EXOC4: variants seen among roughly 807,000 people sequenced by gnomAD.
EXOC4 encodes the protein exocyst complex component 4, also known as SEC8-like 1.
A neutral mutation model predicts 107.2 loss-of-function variants in EXOC4; 71 were observed. The observed-to-expected ratio is 0.66, with a 90% CI of 0.55 to 0.81. The LOEUF (loss-of-function observed/expected upper bound fraction) is 0.81, where lower values mean the gene tolerates loss of function less well. Among genes scored for constraint, EXOC4 ranks in the 30% least tolerant of loss-of-function variants. The probability of loss-of-function intolerance (pLI) is 0.00; values close to 1 mark genes in which losing one functional copy is unlikely to be tolerated. For missense variants in EXOC4, 1,108 were observed against 1,189.6 expected (o/e 0.93, Z 1.01); for synonymous variants, 456 against 441.2 (o/e 1.03, Z -0.42).
chr7:133,463,538 A>G (rs1037871119), intron 7 of EXOC4, among the ~76,000 whole-genome samples: 5 of 152,198 alleles, frequency 3.3e-5, no homozygotes, highest in Non-Finnish European at 7.3e-5. Flanking sequence ...AATAATAAAA[A>G]TGGAAGAGAG....
chr7:133,267,148 A>G (rs938532545), intron 1 of EXOC4, among the ~76,000 whole-genome samples: 3 of 152,312 alleles, frequency 2.0e-5, no homozygotes, highest in Non-Finnish European at 4.4e-5. Context: ...AAGAGGTGGG[A>G]TATAATTAAA....
chr7:133,448,106 C>G (rs923532160), intron 7 of EXOC4, among the ~76,000 whole-genome samples: 5 of 152,112 alleles, frequency 3.3e-5, no homozygotes, highest in Non-Finnish European at 5.9e-5. Flanking sequence ...AAAAGTGGCT[C>G]TAGGTGAGGG....
chr7:133,916,622 G>A (rs1424153172), intron 12 of EXOC4, among the ~76,000 whole-genome samples: 1 of 152,076 alleles, frequency 6.6e-6, no homozygotes, highest in Non-Finnish European at 1.5e-5. Context: ...GGTCAAGGAG[G>A]TATCATACAT....
intron 10 of EXOC4, among the ~76,000 whole-genome samples, chr7:133,708,879 C>T (rs1314407968): frequency 1.3e-5 from 2 of 152,206 alleles, no homozygotes; most frequent in African/African-American, 4.8e-5. Context: ...ATCCATAGCT[C>T]CACTACTGTA....
rs7809173 is a variant in EXOC4 at position 134,019,567 on chromosome 7, A to G, written c.2687+11732A>G. 2.5e-3 allele frequency among the ~76,000 whole-genome samples: 383 copies of G among 152,278 alleles called. 1 individual carries two copies. Among genetic ancestry groups the G allele is most frequent in the Non-Finnish European group, 4.5e-3 (307 of 68,026 alleles). On this transcript the variant is annotated intron_variant, in intron 17 of 17. Transcript: ENST00000253861. ...GTTCACTGAATGTCCCTGAAACTCT[A>G]TATTTAGCTATTGCTGCAAAAAGAT...
chr7:133,796,128 TA>T (rs1796808918), intron 10 of EXOC4, among the ~76,000 whole-genome samples: 1 of 152,222 alleles, frequency 6.6e-6, no homozygotes, highest in Non-Finnish European at 1.5e-5. Context: ...ATTCAAGCCT[TA>T]AAAGTTTTCA....
chr7:133,293,624 A>AT (rs1283835952), intron 3 of EXOC4, among the ~76,000 whole-genome samples: 1 of 152,250 alleles, frequency 6.6e-6, no homozygotes, highest in Non-Finnish European at 1.5e-5. Flanking sequence ...CTACTGCACC[A>AT]TCAGACTGGT....
chr7:134,063,113 G>A (rs569376531), intron 17 of EXOC4, among the ~76,000 whole-genome samples: 204 of 152,308 alleles, frequency 1.3e-3, no homozygotes, highest in African/African-American at 4.9e-3. Flanking sequence ...ATAGCCTGAT[G>A]TTCAGAGGCT....
intron 9 of EXOC4, among the ~76,000 whole-genome samples, chr7:133,618,963 T>G (rs1463266575): frequency 1.3e-5 from 2 of 152,206 alleles, no homozygotes; most frequent in Non-Finnish European, 2.9e-5. Context: ...GCTCATATTT[T>G]GCTGGCTTGG....
At chr7:133,790,315 A>T (rs1796676396) in intron 10 of EXOC4, among the ~76,000 whole-genome samples, 1 of 152,234 alleles carries the variant, frequency 6.6e-6, no homozygotes, top group African/African-American at 2.4e-5. Context: ...GAGATTGCTT[A>T]ATAGTCCTAA....
intron 11 of EXOC4, among the ~76,000 whole-genome samples, chr7:133,863,001 G>A (rs918174177): frequency 2.0e-5 from 3 of 152,108 alleles, no homozygotes; most frequent in Non-Finnish European, 4.4e-5. Flanking sequence ...TTGTTTTCAT[G>A]GGTAAAAGCT....
Position 133,276,648 on chromosome 7 carries a change from G to C in EXOC4, c.276+1477G>C, listed in dbSNP as rs116994244. On this transcript the variant is annotated intron_variant, in intron 2 of 17. Coordinates refer to ENST00000253861, the MANE Select transcript of EXOC4 (RefSeq NM_021807.4). ...GTGAGAGGTCCAAAGCATCATACTT[G>C]GTTCCCCCCACCACTGTGGGACTGA... Among the ~76,000 whole-genome samples, 70 of 152,080 alleles carry C rather than the reference G, an allele frequency of 4.6e-4. No individual in the cohort carries two copies. In the East Asian group the frequency reaches 0.013, roughly 29 times the overall value.
downstream of EXOC4, among the ~76,000 whole-genome samples, chr7:134,069,259 C>T (rs1212444037): frequency 6.6e-6 from 1 of 150,900 alleles, no homozygotes; most frequent in Non-Finnish European, 1.5e-5. Context: ...TCTCCTACTT[C>T]CTCCCTCCTC....
chr7:133,448,142 G>T (rs576852393), intron 7 of EXOC4, among the ~76,000 whole-genome samples: 3 of 152,164 alleles, frequency 2.0e-5, no homozygotes, highest in Non-Finnish European at 2.9e-5. Context: ...GCACAGTGTA[G>T]TGAAGCATTT....
At chr7:133,954,621 C>G (rs940207758) in intron 14 of EXOC4, among the ~76,000 whole-genome samples, 1 of 152,220 alleles carries the variant, frequency 6.6e-6, no homozygotes, top group Non-Finnish European at 1.5e-5. Flanking sequence ...CTTGGGGTGT[C>G]CCTTCACCAG....
intron 17 of EXOC4, among the ~76,000 whole-genome samples, chr7:134,056,556 A>G (rs1795929166): frequency 6.6e-6 from 1 of 152,358 alleles, no homozygotes. Context: ...AATGGACTGA[A>G]TAATTATTCA....
At chr7:133,668,864 T>C (rs1793875201) in intron 10 of EXOC4, among the ~76,000 whole-genome samples, 1 of 152,058 alleles carries the variant, frequency 6.6e-6, no homozygotes, top group Admixed American at 6.5e-5. Context: ...CAGGGGTCAC[T>C]GGTATAAGAG....
chr7:133,884,878 A>AGCATATTC (rs1799047274), intron 11 of EXOC4, among the ~76,000 whole-genome samples: 1 of 152,182 alleles, frequency 6.6e-6, no homozygotes. Flanking sequence ...CGTTAAAATG[A>AGCATATTC]GCATATTCAG....
At chr7:133,934,456 T>C (rs1800252091) in intron 13 of EXOC4, among the ~76,000 whole-genome samples, 1 of 152,324 alleles carries the variant, frequency 6.6e-6, no homozygotes, top group East Asian at 1.9e-4. Context: ...CTCAGTCTAT[T>C]GCTCTCCTGT....
Sources: gnomAD v4.1 joint callset for allele counts (sites outside exome capture counted in the v4.1 genomes callset) on GRCh38, gnomAD v4.1.1 for gene constraint, MANE v1.5 for transcripts, NCBI Gene and HGNC (gene_info 2026-07-23, HGNC 2026-07-21) for gene names.